ACTR3B: variants seen among roughly 807,000 people sequenced by gnomAD.
ACTR3B encodes actin related protein 3B.
Under a neutral mutation model 59.0 loss-of-function variants are expected in ACTR3B, and 8 were observed. The ratio of observed to expected loss-of-function variants is 0.14; its 90% CI spans 0.08 to 0.24. The LOEUF (loss-of-function observed/expected upper bound fraction) is 0.24, where lower values mean the gene tolerates loss of function less well. Ranked by LOEUF, ACTR3B falls within the 10% of genes least tolerant of loss-of-function variation. The pLI is 1.00. For missense variants in ACTR3B, 245 were observed against 552.3 expected, an observed-to-expected ratio of 0.44 and a Z score of 5.58; for synonymous variants, 148 against 197.9, an observed-to-expected ratio of 0.75 and a Z score of 2.12.
chr7:152,779,370 A>T lies in ACTR3B; in HGVS notation c.45-3817A>T, dbSNP rs557063238. 2.0e-5 allele frequency among the ~76,000 whole-genome samples: 3 copies of T among 152,248 alleles called. No homozygotes were observed. In the East Asian group the frequency reaches 5.8e-4, roughly 29 times the overall value. On this transcript the variant is annotated intron_variant, in intron 1 of 11. Transcript: ENST00000256001. ...GATCTTAAACTTGCCTTCCAGGTAA[A>T]GTAAGCCATGCTACAACTGGAAAAC... is the stretch of plus-strand genomic sequence containing the variant.
intron 1 of ACTR3B, among the ~76,000 whole-genome samples, chr7:152,771,759 G>C (rs1409530920): frequency 6.6e-6 from 1 of 152,176 alleles, no homozygotes; most frequent in Admixed American, 6.5e-5. Context: ...TAAAATGGAA[G>C]CGTATCCTGG....
chr7:152,852,718 G>A (rs962129001), intron 10 of ACTR3B, among the ~76,000 whole-genome samples: 3 of 152,310 alleles, frequency 2.0e-5, no homozygotes, highest in Admixed American at 6.5e-5. Flanking sequence ...AACCAAGAGT[G>A]GGCTTCGATA....
At chr7:152,791,471 T>C (rs1351600141) in intron 2 of ACTR3B, among the ~76,000 whole-genome samples, 1 of 152,274 alleles carries the variant, frequency 6.6e-6, no homozygotes, top group Admixed American at 6.5e-5. Flanking sequence ...AGAGAGATCC[T>C]GTGTACACTT....
rs1209230845 is a variant in ACTR3B, at chr7:152,833,246, C to T, written c.951+8124C>T. ...GAAATTTGCCATTAATTGTTATGTC[C>T]CTTCCCATCAGGCGGCCGTTGAGGG... On this transcript the variant is annotated intron_variant, in intron 9 of 11. Coordinates refer to ENST00000256001, the MANE Select transcript of ACTR3B (RefSeq NM_020445.6). Among the ~76,000 whole-genome samples the T allele has an allele frequency of 2.6e-5, 4 of 152,188 alleles. No homozygotes were observed. In the East Asian group the frequency reaches 5.8e-4, roughly 22 times the overall value.
chr7:152,825,809 G>A (rs1796526723), intron 9 of ACTR3B, among the ~76,000 whole-genome samples: 1 of 152,120 alleles, frequency 6.6e-6, no homozygotes, highest in Non-Finnish European at 1.5e-5. Flanking sequence ...TCACATAGAA[G>A]TTAGAGCCCA....
At chr7:152,777,986 T>C (rs2098140551) in intron 1 of ACTR3B, among the ~76,000 whole-genome samples, 1 of 152,070 alleles carries the variant, frequency 6.6e-6, no homozygotes, top group Admixed American at 6.6e-5. Context: ...AATCTCCTCT[T>C]TCTTCCCAAA....
In ACTR3B at chr7:152,854,695, G is replaced by A. The variant is rs1459805604; in HGVS notation, c.*142G>A. ...CTTGCATTGCCGGTGCATGAGGCGC[G>A]GCGCGGGCCCTTCAGTAAAAGCCAT... is the stretch of plus-strand genomic sequence containing the variant. On this transcript the variant is annotated 3_prime_UTR_variant, in exon 12 of 12. Coordinates refer to ENST00000256001, the MANE Select transcript of ACTR3B (RefSeq NM_020445.6). This position sits in a 1 kb window ranked among gnomAD's most constrained non-coding sequence, Gnocchi z 4.9. 2.3e-5 allele frequency: 18 copies of A among 790,478 alleles called. No homozygotes were observed. In the Admixed American group the frequency reaches 2.6e-4, roughly 12 times the overall value. The allele number at this position is 790,478 out of a possible 1,614,324, so 49.0% of individuals were successfully genotyped here. A position where few individuals can be genotyped will look rare whatever the true frequency, so the allele number is the denominator to read the frequency against.
chr7:152,837,711 A>G (rs1022152545), intron 9 of ACTR3B, among the ~76,000 whole-genome samples: 3 of 152,224 alleles, frequency 2.0e-5, no homozygotes, highest in African/African-American at 7.2e-5. Context: ...TCTCAGAGAA[A>G]ATTGGATTGT....
In ACTR3B at chr7:152,824,115, T is replaced by C. The variant is rs1168570440; in HGVS notation, c.858+600T>C. Among the ~76,000 whole-genome samples the C allele has an allele frequency of 6.6e-6, 1 of 152,262 alleles. No individual in the cohort carries two copies. Among genetic ancestry groups the C allele is most frequent in the Admixed American group, 6.5e-5 (1 of 15,290 alleles). ...AGAGGCACATTTTAAGATTTACATA[T>C]AATGCATTTTATTTATATTTTGGTA... is the stretch of plus-strand genomic sequence containing the variant. On this transcript the variant is annotated intron_variant, in intron 8 of 11. Coordinates refer to ENST00000256001, the MANE Select transcript of ACTR3B (RefSeq NM_020445.6). This position sits in a 1 kb window ranked among gnomAD's most constrained non-coding sequence, Gnocchi z 4.2.
chr7:152,776,976 C>T (rs533101778), intron 1 of ACTR3B, among the ~76,000 whole-genome samples: 32 of 152,016 alleles, frequency 2.1e-4, no homozygotes, highest in Non-Finnish European at 4.4e-4. Context: ...TTGCGTGTTT[C>T]CAGGTTCTGG....
chr7:152,766,284 A>G (rs1276199563), intron 1 of ACTR3B, among the ~76,000 whole-genome samples: 1 of 152,200 alleles, frequency 6.6e-6, no homozygotes, highest in Non-Finnish European at 1.5e-5. Context: ...GGCTGTGACA[A>G]CACGTGTGCA....
Position 152,820,441 on chromosome 7 carries a change from A to G in ACTR3B, c.683A>G (p.Lys228Arg). ...EQSLETAKAI[K>R]EKYCYICPDI... ...TCACTGGAGACCGCAAAAGCCATTA[A>G]GGTAAAAACAGATGGGAAACCGGCC... The change falls in exon 7 of 12, where the codon AAG (lysine) becomes AGG (arginine). Residue 228 changes from lysine to arginine, a missense_variant and splice_region_variant. Physicochemically the swap from Lys to Arg is conservative, Grantham distance 26. This residue lies in a region of ACTR3B where 153 missense variants were observed against 266.2 expected (regional missense o/e 0.57). Transcript: ENST00000256001. 6.2e-7 allele frequency: 1 copy of G among 1,603,568 alleles called. No homozygotes were observed. The highest frequency in any genetic ancestry group is 8.5e-7 in the Non-Finnish European group (1 of 1,172,814).
At chr7:152,853,099 A>G (rs1000729406) in intron 10 of ACTR3B, among the ~76,000 whole-genome samples, 1 of 151,578 alleles carries the variant, frequency 6.6e-6, no homozygotes, top group African/African-American at 2.4e-5. Flanking sequence ...CCAGAAAAGC[A>G]CAGTTTCTTT....
intron 4 of ACTR3B, among the ~76,000 whole-genome samples, chr7:152,806,404 A>C (rs2098252156): frequency 6.6e-6 from 1 of 152,258 alleles, no homozygotes; most frequent in Admixed American, 6.5e-5. Context: ...TAATTCTTCA[A>C]AGACGGTGAA....
intron 9 of ACTR3B, among the ~76,000 whole-genome samples, chr7:152,848,307 T>A (rs1053324528): frequency 3.3e-5 from 5 of 152,194 alleles, no homozygotes; most frequent in African/African-American, 2.4e-5. Flanking sequence ...CCAGGCTTCC[T>A]TGGGGCACTG....
intron 4 of ACTR3B, among the ~76,000 whole-genome samples, chr7:152,805,615 A>G (rs2098249970): frequency 6.6e-6 from 1 of 152,074 alleles, no homozygotes; most frequent in South Asian, 2.1e-4. Flanking sequence ...GCAGTGCCCT[A>G]CATCTGAATC....
At chr7:152,816,644 A>C (rs1389251103) in intron 6 of ACTR3B, 56 bp downstream of exon 6, 45 of 1,473,646 alleles carry the variant, frequency 3.1e-5, no homozygotes, top group Admixed American at 5.5e-5. Flanking sequence ...GATTCGAGGT[A>C]AGGATGGAAA....
chr7:152,800,627 C>T lies in ACTR3B; in HGVS notation c.197C>T (p.Ala66Val). 6.2e-7 allele frequency: 1 copy of T among 1,613,938 alleles called. No homozygotes were observed. The highest frequency in any genetic ancestry group is 8.5e-7 in the Non-Finnish European group (1 of 1,179,920). Residue 66 changes from alanine (A) to valine (V), a missense_variant, in exon 3 of 12, where the codon GCC becomes GTC. Around this residue, in one of 7 missense-constraint regions of ACTR3B, gnomAD observed 11 missense variants for 82.1 expected, o/e 0.13. Transcript: ENST00000256001. ...DDLDFFIGDE[A>V]IDKPTYATKW... is the part of the protein sequence containing the mutation. ...CTTGACTTTTTCATAGGAGATGAAG[C>T]CATCGATAAACCTACATATGCTACA...
At chr7:152,822,328 G>A (rs117397574) in intron 7 of ACTR3B, among the ~76,000 whole-genome samples, 7,918 of 152,258 alleles carry the variant, frequency 0.052, 272 homozygotes, top group South Asian at 0.11. Flanking sequence ...GGCCCACCTC[G>A]TGCTTCCCGT....
Sources: gnomAD v4.1 joint callset for allele counts (sites outside exome capture counted in the v4.1 genomes callset) on GRCh38, gnomAD v4.1.1 for gene constraint, gnomAD v4.1.1 regional missense constraint, Gnocchi (gnomAD v3.1) non-coding constraint, MANE v1.5 for transcripts, NCBI Gene and HGNC (gene_info 2026-07-23, HGNC 2026-07-21) for gene names.